Variants in PDE5A observed in about 807,000 individuals in gnomAD.
The protein encoded by PDE5A is cGMP-specific 3',5'-cyclic phosphodiesterase.
In PDE5A, 67 loss-of-function variants were observed where a neutral mutation model predicts 110.2. The observed-to-expected ratio is 0.61, with a 90% confidence interval of 0.50 to 0.75. The LOEUF (loss-of-function observed/expected upper bound fraction) is 0.75. PDE5A is among the 30% of genes least tolerant of loss of function. The pLI is 0.00. For missense variants in PDE5A, 862 were observed against 1,045.1 expected (o/e 0.82, Z 2.42); for synonymous variants, 328 against 351.2 (o/e 0.93, Z 0.74).
At chr4:119,584,543 A>G (rs571388090) in intron 3 of PDE5A, among the ~76,000 whole-genome samples, 2 of 152,234 alleles carry the variant, frequency 1.3e-5, no homozygotes, top group African/African-American at 4.8e-5. Context: ...CTGCTTATGA[A>G]CAAATATGGA....
chr4:119,607,672 G>A (rs1290595300), intron 1 of PDE5A, among the ~76,000 whole-genome samples: 1 of 152,062 alleles, frequency 6.6e-6, no homozygotes, highest in East Asian at 1.9e-4. Context: ...AGGAGTTCGA[G>A]GCTGTAGTGA....
chr4:119,532,276 A>T (rs561163852), intron 11 of PDE5A, among the ~76,000 whole-genome samples: 9 of 152,282 alleles, frequency 5.9e-5, no homozygotes, highest in Non-Finnish European at 1.0e-4. Flanking sequence ...ATCACCAAGA[A>T]CTAACAGCCT....
intron 10 of PDE5A, among the ~76,000 whole-genome samples, chr4:119,540,236 A>G (rs1178325521): frequency 1.3e-5 from 2 of 152,060 alleles, no homozygotes; most frequent in African/African-American, 4.8e-5. Context: ...TGGTGAGTAA[A>G]GTAATTCAGC....
At chr4:119,609,117 G>A (rs551033823) in intron 1 of PDE5A, among the ~76,000 whole-genome samples, 136 of 151,898 alleles carry the variant, frequency 9.0e-4, no homozygotes, top group African/African-American at 2.6e-3. Context: ...AGCTGAGATC[G>A]CGCCATTGCA....
intron 1 of PDE5A, among the ~76,000 whole-genome samples, chr4:119,619,560 C>A (rs544634142): frequency 2.6e-5 from 4 of 152,064 alleles, no homozygotes; most frequent in Non-Finnish European, 4.4e-5. Flanking sequence ...CTGTTCGAAC[C>A]ATTAATAAAA....
intron 7 of PDE5A, among the ~76,000 whole-genome samples, chr4:119,557,261 A>G (rs2110500315): frequency 6.6e-6 from 1 of 152,240 alleles, no homozygotes; most frequent in East Asian, 1.9e-4. Context: ...CTTCTGTACA[A>G]CTTTCCTTCC....
At chr4:119,597,119 G>T (rs562776149) in intron 2 of PDE5A, among the ~76,000 whole-genome samples, 14 of 152,156 alleles carry the variant, frequency 9.2e-5, no homozygotes, top group Admixed American at 5.2e-4. Flanking sequence ...GAGTCAGATT[G>T]TAAACAATCC....
At chr4:119,575,059 TTCGATCAACTGGAAGAAAGGGTATCAG>T in intron 3 of PDE5A, among the ~76,000 whole-genome samples, 1 of 152,182 alleles carries the variant, frequency 6.6e-6, no homozygotes, top group Non-Finnish European at 1.5e-5. Flanking sequence ...CAGTAGCCGA[TTCGATCAACTGGAAGAAAGGGTATCAG>T]TGATGGAAGA....
chr4:119,520,888 A>G, intron 13 of PDE5A, 47 bp downstream of exon 13: 2 of 1,499,764 alleles, frequency 1.3e-6, no homozygotes, highest in South Asian at 1.3e-5. Context: ...AAATTTTACT[A>G]CTAAGCAACA....
intron 3 of PDE5A, among the ~76,000 whole-genome samples, chr4:119,574,349 A>G (rs1437704230): frequency 8.5e-6 from 1 of 117,584 alleles, no homozygotes; most frequent in East Asian, 2.8e-4. Flanking sequence ...CGCCCCGGCT[A>G]ATTTTTGTAT....
At chr4:119,599,358 C>A (rs1013533569) in intron 2 of PDE5A, among the ~76,000 whole-genome samples, 17 of 151,660 alleles carry the variant, frequency 1.1e-4, no homozygotes, top group Admixed American at 9.2e-4. Flanking sequence ...AAAAAATGAC[C>A]CCAAGATGAT....
chr4:119,601,850 A>T (rs28625289), intron 2 of PDE5A, among the ~76,000 whole-genome samples: 123,411 of 152,102 alleles, frequency 0.81, 50,214 homozygotes, highest in East Asian at 0.9. Flanking sequence ...ATGGTATTCC[A>T]GCTAAAAGGG....
chr4:119,609,551 T>G (rs1489987443), intron 1 of PDE5A, among the ~76,000 whole-genome samples: 1 of 152,236 alleles, frequency 6.6e-6, no homozygotes, highest in Non-Finnish European at 1.5e-5. Flanking sequence ...GATGTATTAT[T>G]TGTTAAATAT....
At chr4:119,501,831 T>A (rs1398411549) in intron 19 of PDE5A, among the ~76,000 whole-genome samples, 1 of 152,206 alleles carries the variant, frequency 6.6e-6, no homozygotes, top group Non-Finnish European at 1.5e-5. Context: ...TGTTTGCCCT[T>A]CAACACGACA....
chr4:119,567,063 G>C lies in PDE5A; in HGVS notation c.903+10C>G. ...CTAAATTGGCTCATGTCTGACACAA[G>C]TTTTGGTACCTTTTCATCTTTTTCA... On this transcript the variant is annotated intron_variant, in intron 4 of 20. Transcript: ENST00000354960. The C allele has an allele frequency of 6.2e-7, 1 of 1,604,128 alleles. No homozygotes were observed. The highest frequency in any genetic ancestry group is 8.5e-7 in the Non-Finnish European group (1 of 1,171,082).
intron 3 of PDE5A, among the ~76,000 whole-genome samples, chr4:119,578,569 C>G (rs1322600007): frequency 6.6e-6 from 1 of 152,106 alleles, no homozygotes; most frequent in Non-Finnish European, 1.5e-5. Context: ...ACAAACCTGA[C>G]AAAAACAAGC....
At position 119,627,032 on chromosome 4, in the gene PDE5A, A is replaced by T; in HGVS notation, c.152+1488T>A. 8.7e-7 allele frequency: 1 copy of T among 1,154,474 alleles called. No homozygotes were observed. The highest frequency in any genetic ancestry group is 2.5e-5 in the East Asian group (1 of 39,902). 71.5% of individuals were successfully genotyped at this position (1,154,474 alleles called of 1,614,324 possible). A position where few individuals can be genotyped will look rare whatever the true frequency, so the allele number is the denominator to read the frequency against. On this transcript the variant is annotated intron_variant, in intron 1 of 20. Transcript: ENST00000354960. The surrounding 1 kb of genome is among the most constrained non-coding windows in gnomAD (Gnocchi z 4.6). ...CAACAACAACAAAAGTTATACAGTC[A>T]ATTTTCAATGATACATCGTCCCACT...
At chr4:119,588,273 G>C (rs1420111815) in intron 3 of PDE5A, among the ~76,000 whole-genome samples, 1 of 150,564 alleles carries the variant, frequency 6.6e-6, no homozygotes, top group Non-Finnish European at 1.5e-5. Flanking sequence ...CTCCCAGCCA[G>C]GTTCAAGCGA....
Position 119,574,179 on chromosome 4 carries a change from C to CCTTT in PDE5A, c.832-7036_832-7035insAAAG, listed in dbSNP as rs71597005. 4.5e-5 allele frequency among the ~76,000 whole-genome samples: 4 copies of CCTTT among 89,200 alleles called. No homozygotes were observed. The East Asian group carries it at 1.6e-3, about 35-fold the overall frequency. The allele number at this position is 89,200 out of a possible 152,430, so 58.5% of individuals were successfully genotyped here. ...AATCAGCCCTAGTACAAAATATAGG[C>CCTTT]TTTTTTTTTTTTTTTTTTTTTGAGA... On this transcript the variant is annotated intron_variant, in intron 3 of 20. Transcript: ENST00000354960.
Sources: allele counts gnomAD v4.1 joint callset (sites outside exome capture counted in the v4.1 genomes callset), GRCh38; gene constraint gnomAD v4.1.1; non-coding constraint Gnocchi (gnomAD v3.1); transcripts MANE v1.5; gene names NCBI Gene and HGNC (gene_info 2026-07-23, HGNC 2026-07-21).